Variants in SLC36A2 observed in about 807,000 individuals in gnomAD.
SLC36A2 encodes the protein solute carrier family 36 member 2, also known as proton-coupled amino acid transporter 2.
Under a neutral mutation model 42.7 loss-of-function variants are expected in SLC36A2, and 39 were observed. The ratio of observed to expected loss-of-function variants is 0.91; its 90% CI spans 0.71 to 1.19. The LOEUF is 1.19. SLC36A2 is among the 50% of genes most tolerant of loss of function. The pLI is 0.00. For synonymous variants in SLC36A2, 237 were observed against 240.8 expected (o/e 0.98, Z 0.15); for missense variants, 590 against 613.7 (o/e 0.96, Z 0.41).
rs58169831 is a variant in SLC36A2 at position 151,324,306 on chromosome 5, CTTAT to C, written c.1010+976_1010+979del. 8.7e-3 allele frequency among the ~76,000 whole-genome samples: 1,224 copies of C among 140,898 alleles called. 11 individuals are homozygous for C. Among genetic ancestry groups the C allele is most frequent in the Middle Eastern group, 0.018 (5 of 282 alleles). 92.4% of individuals were successfully genotyped at this position (140,898 alleles called of 152,430 possible). ...TATAGGTGTGTGCCACCATGCCTGG[CTTAT>C]TTATTTATTTATTTATTTATTTATT... On this transcript the variant is annotated intron_variant, in intron 8 of 9. Coordinates refer to ENST00000335244, the MANE Select transcript of SLC36A2 (RefSeq NM_181776.3).
intron 4 of SLC36A2, among the ~76,000 whole-genome samples, chr5:151,340,644 A>T (rs1309142509): frequency 2.0e-5 from 3 of 152,200 alleles, no homozygotes; most frequent in Non-Finnish European, 2.9e-5. Flanking sequence ...TGAGGAGAGA[A>T]TGTTGAAAAA....
At chr5:151,342,595 G>A (rs1035431364) in intron 4 of SLC36A2, among the ~76,000 whole-genome samples, 9 of 152,308 alleles carry the variant, frequency 5.9e-5, no homozygotes, top group Admixed American at 2.0e-4. Flanking sequence ...GCAAAGTCTT[G>A]TTCTTCTCAG....
rs34665919 is a variant in SLC36A2, at chr5:151,317,454, T to TAA, written c.1181-368_1181-367dup. 9.5e-3 allele frequency among the ~76,000 whole-genome samples: 1,291 copies of TAA among 135,738 alleles called. 19 individuals are homozygous for TAA. Among genetic ancestry groups the TAA allele is most frequent in the African/African-American group, 0.031 (1,160 of 37,204 alleles). The allele number at this position is 135,738 out of a possible 152,430, so 89.0% of individuals were successfully genotyped here. On this transcript the variant is annotated intron_variant, in intron 9 of 9. Transcript: ENST00000335244. ...GTGACAAAGTGAGGTCCTATCTCATTAAAAAAAAAAAAAAAATCCTCTTCT... is the reference window on the plus strand; with the variant it reads ...GTGACAAAGTGAGGTCCTATCTCATTAAAAAAAAAAAAAAAAAATCCTCTTCT...
chr5:151,329,346 A>G (rs1755933215), intron 7 of SLC36A2, among the ~76,000 whole-genome samples: 1 of 152,256 alleles, frequency 6.6e-6, no homozygotes, highest in Non-Finnish European at 1.5e-5. Flanking sequence ...AAAACCAAAA[A>G]TCAGCATTCT....
At chr5:151,335,610 T>C in intron 5 of SLC36A2, 63 bp from the exon 6 acceptor site, 1 of 1,198,418 alleles carries the variant, frequency 8.3e-7, no homozygotes, top group Admixed American at 1.7e-5. Context: ...CATGGTTGAC[T>C]CAGTGCCTTG....
chr5:151,342,758 C>A, intron 4 of SLC36A2, 130 bp downstream of exon 4: 2 of 737,496 alleles, frequency 2.7e-6, no homozygotes, highest in East Asian at 2.7e-5. Flanking sequence ...TGCCAATGAA[C>A]CCCTTCCATG....
chr5:151,333,373 G>T, intron 6 of SLC36A2, 51 bp from the exon 7 acceptor site: 1 of 1,467,112 alleles, frequency 6.8e-7, no homozygotes, highest in Non-Finnish European at 9.6e-7. Flanking sequence ...GCACATTTGA[G>T]CTCCTTTAAG....
At chr5:151,346,149 G>T (rs1756490603) in intron 1 of SLC36A2, among the ~76,000 whole-genome samples, 1 of 152,078 alleles carries the variant, frequency 6.6e-6, no homozygotes, top group Non-Finnish European at 1.5e-5. Flanking sequence ...CCTTGTATCA[G>T]TTCAGGACAC....
intron 7 of SLC36A2, among the ~76,000 whole-genome samples, chr5:151,330,235 A>G (rs1363230464): frequency 1.3e-5 from 2 of 152,212 alleles, no homozygotes; most frequent in Non-Finnish European, 2.9e-5. Flanking sequence ...TAGAGGGCAA[A>G]CTCAAAGAAA....
chr5:151,318,589 T>TA (rs201842944), intron 9 of SLC36A2, among the ~76,000 whole-genome samples: 11,894 of 145,794 alleles, frequency 0.082, 750 homozygotes, highest in African/African-American at 0.17. Flanking sequence ...ATTTTATATA[T>TA]ATAAAAATAT....
Position 151,344,195 on chromosome 5 carries a change from C to T in SLC36A2, c.237G>A (p.Val79=). ...CTCTTACCAGGATGCCCGCGTTCTT[C>T]ACAGCGAGGGGTAGTCCCAGGATCC... The part of the protein sequence containing the change: ...GTGILGLPLA[V]KNAGILMGPL... Residue 79 remains valine (V), a synonymous_variant, in exon 2 of 10, where the codon GTG becomes GTA. Coordinates refer to ENST00000335244, the MANE Select transcript of SLC36A2 (RefSeq NM_181776.3). 1 of 1,614,172 alleles carries T rather than the reference C, an allele frequency of 6.2e-7. No homozygotes were observed. The highest frequency in any genetic ancestry group is 8.5e-7 in the Non-Finnish European group (1 of 1,180,020).
intron 8 of SLC36A2, among the ~76,000 whole-genome samples, chr5:151,323,994 G>A (rs1561652260): frequency 6.6e-6 from 1 of 152,218 alleles, no homozygotes; most frequent in Non-Finnish European, 1.5e-5. Context: ...ATGACCTGGT[G>A]TGGGAGAAAA....
intron 7 of SLC36A2, among the ~76,000 whole-genome samples, chr5:151,332,864 A>G (rs1756036939): frequency 6.6e-6 from 1 of 152,256 alleles, no homozygotes; most frequent in South Asian, 2.1e-4. Context: ...TACAGACTGT[A>G]AATACAGAAC....
At chr5:151,335,042 G>C (rs186067320) in intron 6 of SLC36A2, among the ~76,000 whole-genome samples, 39 of 152,180 alleles carry the variant, frequency 2.6e-4, no homozygotes, top group African/African-American at 9.4e-4. Context: ...TATAGGAATG[G>C]TCTACAGTTC....
chr5:151,318,696 A>G (rs2127282550), intron 9 of SLC36A2, among the ~76,000 whole-genome samples: 1 of 150,976 alleles, frequency 6.6e-6, no homozygotes, highest in African/African-American at 2.4e-5. Context: ...TTACTTGCAA[A>G]CAATTAGAAT....
intron 7 of SLC36A2, among the ~76,000 whole-genome samples, chr5:151,328,293 G>A (rs1442012704): frequency 1.3e-5 from 2 of 152,228 alleles, no homozygotes. Flanking sequence ...GTCCTGAAGA[G>A]TAAATAGTAG....
Position 151,342,883 on chromosome 5 carries a change from G to C in SLC36A2, c.440+5C>G, listed in dbSNP as rs772977398. 3 of 1,613,736 alleles carry C rather than the reference G, an allele frequency of 1.9e-6. No individual in the cohort carries two copies. Among genetic ancestry groups the C allele is most frequent in the Non-Finnish European group, 2.5e-6 (3 of 1,179,648 alleles). On this transcript the variant is annotated splice_donor_5th_base_variant and intron_variant, in intron 4 of 9. Transcript: ENST00000335244. Reference sequence around the variant, plus strand: ...CCCACTGCAGGCAAAGCAAGAACAGGTTACCTTCCCCAGTGAGCGTGATTC... The same window carrying C: ...CCCACTGCAGGCAAAGCAAGAACAGCTTACCTTCCCCAGTGAGCGTGATTC...
chr5:151,323,063 C>T (rs1324320495), intron 8 of SLC36A2, among the ~76,000 whole-genome samples: 2 of 152,098 alleles, frequency 1.3e-5, no homozygotes. Context: ...TGGCGAAACC[C>T]TACCACTACC....
intron 4 of SLC36A2, among the ~76,000 whole-genome samples, chr5:151,342,598 C>T (rs562246121): frequency 2.0e-5 from 3 of 152,302 alleles, no homozygotes; most frequent in African/African-American, 7.2e-5. Flanking sequence ...AAGTCTTGTT[C>T]TTCTCAGTCC....
Sources: allele counts gnomAD v4.1 joint callset (sites outside exome capture counted in the v4.1 genomes callset), GRCh38; gene constraint gnomAD v4.1.1; transcripts MANE v1.5; gene names NCBI Gene and HGNC (gene_info 2026-07-23, HGNC 2026-07-21).